Variants in MIPEP observed in about 807,000 individuals in gnomAD.
MIPEP encodes mitochondrial intermediate peptidase.
MIPEP carries 79 observed loss-of-function variants against 90.3 expected under a neutral mutation model. The ratio of observed to expected loss-of-function variants is 0.87; its 90% CI spans 0.73 to 1.05. The LOEUF is 1.05. Ranked by LOEUF, MIPEP falls within the 50% of genes least tolerant of loss-of-function variation. MIPEP has a pLI of 0.00. For synonymous variants in MIPEP, 334 were observed against 315.8 expected (o/e 1.06, Z -0.61); for missense variants, 940 against 905.6 (o/e 1.04, Z -0.49).
At chr13:23,860,021 C>T (rs1667313706) in intron 9 of MIPEP, among the ~76,000 whole-genome samples, 1 of 152,236 alleles carries the variant, frequency 6.6e-6, no homozygotes. Flanking sequence ...CACACATTTT[C>T]TCTAACAGAT....
intron 10 of MIPEP, among the ~76,000 whole-genome samples, chr13:23,854,922 C>G (rs557980332): frequency 6.6e-6 from 1 of 150,466 alleles, no homozygotes; most frequent in East Asian, 1.9e-4. Context: ...AATAAACAAA[C>G]AAACAAACAA....
At chr13:23,833,575 A>C (rs1384553663) in intron 14 of MIPEP, among the ~76,000 whole-genome samples, 1 of 152,196 alleles carries the variant, frequency 6.6e-6, no homozygotes, top group Non-Finnish European at 1.5e-5. Flanking sequence ...ATTTAGTAAG[A>C]ATACAGGCAT....
At chr13:23,872,982 G>T (rs1472246519) in intron 5 of MIPEP, among the ~76,000 whole-genome samples, 1 of 152,178 alleles carries the variant, frequency 6.6e-6, no homozygotes, top group Non-Finnish European at 1.5e-5. Flanking sequence ...CCACGTTCTT[G>T]ATCCTTTGTA....
intron 16 of MIPEP, among the ~76,000 whole-genome samples, chr13:23,788,538 C>T (rs1296637080): frequency 6.6e-6 from 1 of 152,224 alleles, no homozygotes; most frequent in East Asian, 1.9e-4. Context: ...ATACACATCA[C>T]TTCTGCTCAC....
Position 23,771,543 on chromosome 13 carries a change from ACACAC to A in MIPEP, c.1849-11331_1849-11327del, listed in dbSNP as rs1473597281. On this transcript the variant is annotated intron_variant, in intron 16 of 18. Coordinates refer to ENST00000382172, the MANE Select transcript of MIPEP (RefSeq NM_005932.4). ...TAATTTGCTGACTACACACACACAC[ACACAC>A]ACACACACACACACACACACATCTG... 1.5e-4 allele frequency among the ~76,000 whole-genome samples: 22 copies of A among 151,426 alleles called. 1 individual carries two copies. Among genetic ancestry groups the A allele is most frequent in the African/African-American group, 5.3e-4 (22 of 41,188 alleles).
At chr13:23,834,152 C>G (rs1371340408) in intron 14 of MIPEP, among the ~76,000 whole-genome samples, 2 of 152,154 alleles carry the variant, frequency 1.3e-5, no homozygotes, top group Non-Finnish European at 2.9e-5. Context: ...GGGGCCGAGC[C>G]CCCGGAGCCG....
chr13:23,739,372 CAGGG>C (rs1952300971), intron 18 of MIPEP, among the ~76,000 whole-genome samples: 1 of 152,324 alleles, frequency 6.6e-6, no homozygotes, highest in Non-Finnish European at 1.5e-5. Context: ...AGTTAAAAAG[CAGGG>C]TATGTTTTGA....
intron 16 of MIPEP, among the ~76,000 whole-genome samples, chr13:23,778,910 T>A (rs775832425): frequency 6.6e-6 from 1 of 152,208 alleles, no homozygotes; most frequent in Non-Finnish European, 1.5e-5. Context: ...TTATCCATCA[T>A]ATCTGATTAA....
intron 18 of MIPEP, among the ~76,000 whole-genome samples, chr13:23,746,781 T>A (rs1177139090): frequency 1.3e-5 from 2 of 152,090 alleles, no homozygotes; most frequent in African/African-American, 4.8e-5. Flanking sequence ...TACACTGACA[T>A]CATCTAAAAA....
chr13:23,805,592 T>A (rs955165162), intron 16 of MIPEP, among the ~76,000 whole-genome samples: 1 of 152,174 alleles, frequency 6.6e-6, no homozygotes, highest in African/African-American at 2.4e-5. Context: ...CAATACATGT[T>A]AATTCTCTTT....
chr13:23,813,008 A>G (rs1477256085), intron 14 of MIPEP, among the ~76,000 whole-genome samples: 1 of 152,224 alleles, frequency 6.6e-6, no homozygotes, highest in African/African-American at 2.4e-5. Context: ...GTTCTTTTTA[A>G]AAAAACTAGT....
chr13:23,847,576 C>T (rs1869605079), intron 10 of MIPEP, among the ~76,000 whole-genome samples: 2 of 151,844 alleles, frequency 1.3e-5, no homozygotes, highest in Non-Finnish European at 2.9e-5. Flanking sequence ...GAAACACTAG[C>T]TGGGTAGACT....
At chr13:23,848,931 C>T (rs1886973) in intron 10 of MIPEP, among the ~76,000 whole-genome samples, 70,510 of 152,002 alleles carry the variant, frequency 0.46, 17,933 homozygotes, top group South Asian at 0.59. Flanking sequence ...GGGTGTTTCC[C>T]GCAGCTCCAA....
intron 18 of MIPEP, among the ~76,000 whole-genome samples, chr13:23,742,472 T>G (rs954040691): frequency 6.6e-6 from 1 of 152,202 alleles, no homozygotes; most frequent in Non-Finnish European, 1.5e-5. Context: ...TCATCTACTT[T>G]GCTAGATTGT....
intron 5 of MIPEP, among the ~76,000 whole-genome samples, chr13:23,870,750 A>G (rs1224267688): frequency 6.6e-6 from 1 of 152,142 alleles, no homozygotes; most frequent in Non-Finnish European, 1.5e-5. Flanking sequence ...GGTTGCAATG[A>G]GCCGAGATCG....
chr13:23,872,286 AC>A (rs1239000354), intron 5 of MIPEP, among the ~76,000 whole-genome samples: 1 of 152,096 alleles, frequency 6.6e-6, no homozygotes, highest in Non-Finnish European at 1.5e-5. Context: ...ACATGGAGAA[AC>A]CCCGTCTCTA....
intron 1 of MIPEP, chr13:23,888,034 CTT>C (rs139459675): frequency 3.0e-4 from 102 of 337,228 alleles, no homozygotes; most frequent in East Asian, 6.0e-4. Flanking sequence ...CTGAATAAGG[CTT>C]TTTTTTTTTC....
At chr13:23,792,943 A>C (rs764399549) in intron 16 of MIPEP, among the ~76,000 whole-genome samples, 1 of 152,250 alleles carries the variant, frequency 6.6e-6, no homozygotes, top group African/African-American at 2.4e-5. Context: ...TGAAGTAAAA[A>C]GGATTGATTA....
At position 23,775,048 on chromosome 13, in the gene MIPEP, C is replaced by T. The variant is rs140590522; in HGVS notation, c.1849-14831G>A. Among the ~76,000 whole-genome samples, 11 of 151,974 alleles carry T rather than the reference C, an allele frequency of 7.2e-5. No individual in the cohort carries two copies. The East Asian group carries it at 2.1e-3, about 29-fold the overall frequency. ...TCCTGGCCTCAAATGATCCACCTGC[C>T]TTGGTCTCCCAAAATGCTGGGATTA... On this transcript the variant is annotated intron_variant, in intron 16 of 18. Transcript: ENST00000382172.
Sources: gnomAD v4.1 joint callset for allele counts (sites outside exome capture counted in the v4.1 genomes callset) on GRCh38, gnomAD v4.1.1 for gene constraint, MANE v1.5 for transcripts, NCBI Gene and HGNC (gene_info 2026-07-23, HGNC 2026-07-21) for gene names.